ROBO2: variants seen among roughly 807,000 people sequenced by gnomAD.
ROBO2 encodes the protein roundabout guidance receptor 2, also known as roundabout homolog 2.
In ROBO2, 53 loss-of-function variants were observed where a neutral mutation model predicts 160.8. The observed-to-expected ratio is 0.33, with a 90% CI of 0.26 to 0.41. ROBO2 has a LOEUF of 0.41. Among genes scored for constraint, ROBO2 ranks in the 10% least tolerant of loss-of-function variants. ROBO2 has a pLI of 1.00. For missense variants in ROBO2, 1,577 were observed against 1,722.4 expected, an observed-to-expected ratio of 0.92 and a Z score of 1.49; for synonymous variants, 664 against 611.7, an observed-to-expected ratio of 1.09 and a Z score of -1.26.
chr3:76,563,145 T>C (rs1009661803), intron 2 of ROBO2, among the ~76,000 whole-genome samples: 2 of 151,976 alleles, frequency 1.3e-5, no homozygotes, highest in Non-Finnish European at 2.9e-5. Context: ...CCTTGAAAAA[T>C]TGGGGAAGAT....
intron 2 of ROBO2, among the ~76,000 whole-genome samples, chr3:76,292,055 A>G (rs950427907): frequency 6.6e-6 from 1 of 152,036 alleles, no homozygotes; most frequent in African/African-American, 2.4e-5. Context: ...TCAGGTCCCA[A>G]ATATCTTATT....
intron 13 of ROBO2, among the ~76,000 whole-genome samples, chr3:77,570,332 G>C (rs1328727441): frequency 1.3e-5 from 2 of 151,942 alleles, no homozygotes; most frequent in Non-Finnish European, 2.9e-5. Context: ...GTTCTTCCAG[G>C]AGGGGGACGT....
At chr3:77,298,145 G>T (rs900526407) in intron 2 of ROBO2, among the ~76,000 whole-genome samples, 6 of 152,126 alleles carry the variant, frequency 3.9e-5, no homozygotes, top group Admixed American at 2.6e-4. Flanking sequence ...AATTCTGAAG[G>T]TTGTGACTTA....
At chr3:77,326,252 G>T (rs1341187198) in intron 2 of ROBO2, among the ~76,000 whole-genome samples, 2 of 152,154 alleles carry the variant, frequency 1.3e-5, no homozygotes, top group Non-Finnish European at 2.9e-5. Context: ...GAAAATGTGA[G>T]GAGTAGTGAG....
At chr3:76,959,503 G>A (rs1169015865) in intron 2 of ROBO2, among the ~76,000 whole-genome samples, 2 of 152,176 alleles carry the variant, frequency 1.3e-5, no homozygotes, top group Non-Finnish European at 2.9e-5. Context: ...GACACCATTT[G>A]TGTGAGTAGC....
intron 23 of ROBO2, chr3:77,631,516 G>GT (rs1471700469): frequency 6.6e-6 from 1 of 152,032 alleles, no homozygotes; most frequent in Admixed American, 6.6e-5. Flanking sequence ...ATACTTGGTA[G>GT]TTTTTTGTGT....
In ROBO2 at chr3:77,452,412, A is replaced by C. The variant is rs1045102663; in HGVS notation, c.389-25002A>C. 2.0e-5 allele frequency among the ~76,000 whole-genome samples: 3 copies of C among 152,182 alleles called. No homozygotes were observed. In the East Asian group the frequency reaches 5.8e-4, roughly 29 times the overall value. On this transcript the variant is annotated intron_variant, in intron 2 of 25. Transcript: ENST00000461745. ...TGAGCATATATATAGTTAAAATCAG[A>C]TAAACTAACCATGTTTGTGTCAACC... is the stretch of plus-strand genomic sequence containing the variant.
At position 76,576,701 on chromosome 3, in the gene ROBO2, C is replaced by CTTTTTTTTTTT. The variant is rs56404865; in HGVS notation, c.110-521302_110-521292dup. 5.6e-3 allele frequency among the ~76,000 whole-genome samples: 352 copies of CTTTTTTTTTTT among 62,386 alleles called. 6 individuals are homozygous for CTTTTTTTTTTT. Among genetic ancestry groups the CTTTTTTTTTTT allele is most frequent in the Non-Finnish European group, 6.5e-3 (227 of 34,808 alleles). 40.9% of individuals were successfully genotyped at this position (62,386 alleles called of 152,430 possible). A position where few individuals can be genotyped will look rare whatever the true frequency, so the allele number is the denominator to read the frequency against. On this transcript the variant is annotated intron_variant, in intron 2 of 26. Coordinates refer to the ROBO2 transcript ENST00000487694. ...TTTTACAGTTTAAATCATTTTCTTT[C>CTTTTTTTTTTT]TTTTTTTTTTTTTTTTTTTTTGACA...
intron 2 of ROBO2, among the ~76,000 whole-genome samples, chr3:76,750,389 G>A (rs2093963516): frequency 6.6e-6 from 1 of 152,088 alleles, no homozygotes; most frequent in South Asian, 2.1e-4. Context: ...ACTGGCACAA[G>A]ACAGGGATGC....
chr3:76,092,812 G>A (rs2069287063), intron 2 of ROBO2, among the ~76,000 whole-genome samples: 1 of 152,102 alleles, frequency 6.6e-6, no homozygotes, highest in Non-Finnish European at 1.5e-5. Context: ...TGACTATTTT[G>A]ATAATCAGTA....
At chr3:76,376,498 C>G (rs1408092207) in intron 2 of ROBO2, among the ~76,000 whole-genome samples, 1 of 152,138 alleles carries the variant, frequency 6.6e-6, no homozygotes, top group African/African-American at 2.4e-5. Context: ...AGTACACAGT[C>G]TTTGCTTCCA....
In ROBO2 at chr3:77,115,945, T is replaced by C. The variant is rs529299395; in HGVS notation, c.388+17605T>C. On this transcript the variant is annotated intron_variant, in intron 2 of 25. Transcript: ENST00000461745. ...CATGACCCTGACCCCTTCGTGGCCC[T>C]GACTCCTCTCATCCATCTTCTTAAC... 9.1e-4 allele frequency among the ~76,000 whole-genome samples: 139 copies of C among 152,282 alleles called. 1 individual carries two copies. Among genetic ancestry groups the C allele is most frequent in the African/African-American group, 3.1e-3 (130 of 41,562 alleles).
chr3:76,589,346 C>G (rs937401784), intron 2 of ROBO2, among the ~76,000 whole-genome samples: 1 of 152,142 alleles, frequency 6.6e-6, no homozygotes, highest in South Asian at 2.1e-4. Context: ...GTCACCCAGG[C>G]TGGAGTGCAG....
At chr3:76,834,340 A>G (rs2067475616) in intron 2 of ROBO2, among the ~76,000 whole-genome samples, 2 of 151,314 alleles carry the variant, frequency 1.3e-5, no homozygotes, top group East Asian at 3.9e-4. Flanking sequence ...GGGGCACACT[A>G]CCATGCCCTG....
intron 2 of ROBO2, among the ~76,000 whole-genome samples, chr3:76,124,673 C>A (rs2070895502): frequency 6.6e-6 from 1 of 151,948 alleles, no homozygotes; most frequent in Non-Finnish European, 1.5e-5. Flanking sequence ...TAAGATAATT[C>A]ATGGTAATTC....
chr3:77,289,922 A>G (rs2060973113), intron 2 of ROBO2, among the ~76,000 whole-genome samples: 1 of 152,264 alleles, frequency 6.6e-6, no homozygotes, highest in Middle Eastern at 3.4e-3. Context: ...ATAAAGTAAA[A>G]TTGATGGTTA....
At chr3:77,438,175 T>C (rs1461695734) in intron 2 of ROBO2, among the ~76,000 whole-genome samples, 1 of 151,592 alleles carries the variant, frequency 6.6e-6, no homozygotes, top group Non-Finnish European at 1.5e-5. Flanking sequence ...TCTCGGCCTC[T>C]AGATAGATAG....
intron 2 of ROBO2, among the ~76,000 whole-genome samples, chr3:76,259,537 T>C (rs1293283044): frequency 1.3e-5 from 2 of 152,126 alleles, no homozygotes; most frequent in African/African-American, 2.4e-5. Context: ...TGGTGACAAT[T>C]GCTATAGACT....
chr3:77,642,209 TA>T (rs2095359934), intron 24 of ROBO2, among the ~76,000 whole-genome samples: 1 of 152,212 alleles, frequency 6.6e-6, no homozygotes, highest in Admixed American at 6.5e-5. Flanking sequence ...TGACACGGCA[TA>T]CAGTTCTAAA....
Sources: gnomAD v4.1 joint callset for allele counts (sites outside exome capture counted in the v4.1 genomes callset) on GRCh38, gnomAD v4.1.1 for gene constraint, MANE v1.5 for transcripts, NCBI Gene and HGNC (gene_info 2026-07-23, HGNC 2026-07-21) for gene names.